SORCS3: variants seen among roughly 807,000 people sequenced by gnomAD.
SORCS3 encodes the protein sortilin related VPS10 domain containing receptor 3, also known as VPS10 domain-containing receptor SorCS3.
Under a neutral mutation model 146.3 loss-of-function variants are expected in SORCS3, and 57 were observed. The observed-to-expected ratio is 0.39, with a 90% CI of 0.31 to 0.49. The LOEUF is 0.49. Among genes scored for constraint, SORCS3 ranks in the 20% least tolerant of loss-of-function variants. The pLI, the probability that SORCS3 is intolerant of heterozygous loss-of-function variation, is 0.92. For missense variants in SORCS3, 1,341 were observed against 1,575.5 expected (o/e 0.85, Z 2.52); for synonymous variants, 653 against 618.5 (o/e 1.06, Z -0.83).
At chr10:105,077,316 T>C (rs527854680) in intron 5 of SORCS3, among the ~76,000 whole-genome samples, 2 of 152,302 alleles carry the variant, frequency 1.3e-5, no homozygotes, top group South Asian at 4.1e-4. Flanking sequence ...ATTCACTAAG[T>C]GTATTTCATG....
At chr10:104,668,326 A>G (rs1178045146) in intron 1 of SORCS3, among the ~76,000 whole-genome samples, 1 of 152,192 alleles carries the variant, frequency 6.6e-6, no homozygotes, top group Admixed American at 6.5e-5. Flanking sequence ...GGGCACATGT[A>G]GAACTACTAA....
At chr10:104,966,818 A>G (rs961369201) in intron 3 of SORCS3, among the ~76,000 whole-genome samples, 1 of 152,182 alleles carries the variant, frequency 6.6e-6, no homozygotes, top group Non-Finnish European at 1.5e-5. Context: ...CAGGCTTTTG[A>G]GAGTATAAGC....
At chr10:104,918,529 G>C (rs1263590686) in intron 3 of SORCS3, among the ~76,000 whole-genome samples, 3 of 152,214 alleles carry the variant, frequency 2.0e-5, no homozygotes, top group African/African-American at 7.2e-5. Context: ...ACTGAATCAA[G>C]CCAGCAGTGA....
intron 1 of SORCS3, among the ~76,000 whole-genome samples, chr10:104,783,713 C>T (rs895807433): frequency 2.2e-4 from 34 of 151,814 alleles, no homozygotes; most frequent in Middle Eastern, 3.4e-3. Flanking sequence ...GGCAACAGTG[C>T]GAGACTCCGT....
intron 2 of SORCS3, among the ~76,000 whole-genome samples, chr10:104,907,506 C>G (rs1443310863): frequency 1.3e-5 from 2 of 152,158 alleles, no homozygotes; most frequent in African/African-American, 4.8e-5. Flanking sequence ...TCTGTCCTAC[C>G]TGAGACGTGT....
intron 1 of SORCS3, among the ~76,000 whole-genome samples, chr10:104,684,628 G>A (rs1360929902): frequency 6.6e-6 from 1 of 151,994 alleles, no homozygotes; most frequent in East Asian, 1.9e-4. Context: ...GGATCTGTGG[G>A]CAGTTTTTTT....
chr10:104,997,567 A>T (rs1275508164), intron 4 of SORCS3, among the ~76,000 whole-genome samples: 1 of 152,160 alleles, frequency 6.6e-6, no homozygotes, highest in African/African-American at 2.4e-5. Context: ...GGAGAAGAAG[A>T]AGGTACATCA....
intron 4 of SORCS3, among the ~76,000 whole-genome samples, chr10:105,016,271 C>T (rs1234806277): frequency 6.7e-6 from 1 of 150,114 alleles, no homozygotes; most frequent in Non-Finnish European, 1.5e-5. Context: ...CCTGCTTCAC[C>T]CTCCTGAGTA....
chr10:104,853,655 T>C (rs1337373291), intron 2 of SORCS3, among the ~76,000 whole-genome samples: 1 of 152,150 alleles, frequency 6.6e-6, no homozygotes, highest in African/African-American at 2.4e-5. Flanking sequence ...TTTAACTGTA[T>C]TTAGTAGGTA....
At chr10:104,678,183 G>A (rs2015933666) in intron 1 of SORCS3, among the ~76,000 whole-genome samples, 1 of 129,586 alleles carries the variant, frequency 7.7e-6, no homozygotes, top group South Asian at 2.3e-4. Flanking sequence ...GAATACACAT[G>A]GAAGACATCT....
chr10:104,708,679 TC>T (rs1260862910), intron 1 of SORCS3, among the ~76,000 whole-genome samples: 6 of 152,212 alleles, frequency 3.9e-5, no homozygotes, highest in South Asian at 2.1e-4. Context: ...TGGCCACATT[TC>T]TTCCCCCCCA....
chr10:104,641,584 G>C lies in SORCS3; in HGVS notation c.257G>C (p.Gly86Ala). ...RRAAVLGRRA[G>A]PELLPQQGGG... is the part of the protein sequence containing the mutation. ...GCCGCCGTGCTGGGGCGCCGGGCCGGACCAGAGCTGCTGCCCCAGCAGGGC... is the reference window on the plus strand; with the variant it reads ...GCCGCCGTGCTGGGGCGCCGGGCCGCACCAGAGCTGCTGCCCCAGCAGGGC... Residue 86 changes from glycine (G) to alanine (A), a missense_variant, in exon 1 of 27, where the codon GGA becomes GCA. By Grantham distance (60) the Gly-to-Ala change is moderately conservative (BLOSUM62 0). Coordinates refer to ENST00000369701, the MANE Select transcript of SORCS3 (RefSeq NM_014978.3). The surrounding 1 kb of genome is among the most constrained non-coding windows in gnomAD (Gnocchi z 6.4). 1 of 1,506,636 alleles carries C rather than the reference G, an allele frequency of 6.6e-7. No homozygotes were observed. The highest frequency in any genetic ancestry group is 1.4e-5 in the African/African-American group (1 of 69,750). The allele number at this position is 1,506,636 out of a possible 1,614,324, so 93.3% of individuals were successfully genotyped here. A position where few individuals can be genotyped will look rare whatever the true frequency, so the allele number is the denominator to read the frequency against.
intron 2 of SORCS3, among the ~76,000 whole-genome samples, chr10:104,886,159 T>A (rs1297415636): frequency 6.6e-6 from 1 of 152,186 alleles, no homozygotes; most frequent in East Asian, 1.9e-4. Context: ...ACTTTTTTTC[T>A]AGTAAGACTG....
At chr10:104,837,533 G>A (rs2133542176) in intron 1 of SORCS3, among the ~76,000 whole-genome samples, 1 of 152,280 alleles carries the variant, frequency 6.6e-6, no homozygotes, top group Non-Finnish European at 1.5e-5. Flanking sequence ...ATTATAGCCA[G>A]TTAGGTCAAA....
intron 1 of SORCS3, among the ~76,000 whole-genome samples, chr10:104,711,517 TGGCCGTAA>T (rs1210878817): frequency 1.3e-5 from 2 of 152,242 alleles, no homozygotes; most frequent in Non-Finnish European, 2.9e-5. Context: ...CTAATCTTTC[TGGCCGTAA>T]GGCTGTGTTT....
At chr10:104,736,695 A>T (rs1221703255) in intron 1 of SORCS3, among the ~76,000 whole-genome samples, 1 of 151,518 alleles carries the variant, frequency 6.6e-6, no homozygotes, top group Non-Finnish European at 1.5e-5. Flanking sequence ...TCAGCAGGTG[A>T]ACCTTTTCTT....
At chr10:104,714,394 C>T (rs1236832745) in intron 1 of SORCS3, among the ~76,000 whole-genome samples, 1 of 151,976 alleles carries the variant, frequency 6.6e-6, no homozygotes, top group Admixed American at 6.6e-5. Flanking sequence ...GCACTTAATG[C>T]TATATTTTTC....
At chr10:104,904,337 G>A (rs1589543621) in intron 2 of SORCS3, among the ~76,000 whole-genome samples, 1 of 152,208 alleles carries the variant, frequency 6.6e-6, no homozygotes, top group African/African-American at 2.4e-5. Context: ...GTTAATAGAA[G>A]TGCAGACTGG....
intron 3 of SORCS3, among the ~76,000 whole-genome samples, chr10:104,939,956 G>A (rs1259221265): frequency 2.0e-5 from 3 of 151,878 alleles, no homozygotes; most frequent in Non-Finnish European, 4.4e-5. Flanking sequence ...GACACCAAGG[G>A]AGGGTTCTTG....
Sources: gnomAD v4.1 joint callset for allele counts (sites outside exome capture counted in the v4.1 genomes callset) on GRCh38, gnomAD v4.1.1 for gene constraint, Gnocchi (gnomAD v3.1) non-coding constraint, MANE v1.5 for transcripts, NCBI Gene and HGNC (gene_info 2026-07-23, HGNC 2026-07-21) for gene names.